Variants in PDLIM3 observed in about 807,000 individuals in gnomAD.
The protein encoded by PDLIM3 is PDZ and LIM domain 3.
In PDLIM3, 36 loss-of-function variants were observed where a neutral mutation model predicts 37.3. The observed-to-expected ratio is 0.97, with a 90% CI of 0.74 to 1.28. The LOEUF (loss-of-function observed/expected upper bound fraction) is 1.28, where lower values mean the gene tolerates loss of function less well. PDLIM3 is among the 50% of genes most tolerant of loss of function. PDLIM3 has a pLI of 0.00. For missense variants in PDLIM3, 454 were observed against 485.0 expected, an observed-to-expected ratio of 0.94 and a Z score of 0.60; for synonymous variants, 174 against 182.4, an observed-to-expected ratio of 0.95 and a Z score of 0.37.
At position 185,514,334 on chromosome 4, in the gene PDLIM3, C is replaced by T. The variant is rs777447396; in HGVS notation, c.334G>A (p.Gly112Arg). Reference sequence around the variant, plus strand: ...TTATGCTTGTGTTCAAAGTAGTTCCCGTCCTGTGAAAACAAAGCGTTAAAA... The same window carrying T: ...TTATGCTTGTGTTCAAAGTAGTTCCTGTCCTGTGAAAACAAAGCGTTAAAA... ...KINLESEPQD[G>R]NYFEHKHNIR... The change falls in exon 4 of 8, where the codon GGG becomes AGG. Residue 112 changes from glycine to arginine, a missense_variant. Coordinates refer to ENST00000284767, the MANE Select transcript of PDLIM3 (RefSeq NM_014476.6). The surrounding 1 kb of genome is among the most constrained non-coding windows in gnomAD (Gnocchi z 4.0). 2.5e-6 allele frequency: 4 copies of T among 1,614,156 alleles called. No homozygotes were observed. The highest frequency in any genetic ancestry group is 2.2e-5 in the East Asian group (1 of 44,890).
intron 1 of PDLIM3, among the ~76,000 whole-genome samples, chr4:185,528,177 T>G (rs1053448912): frequency 6.6e-6 from 1 of 152,272 alleles, no homozygotes; most frequent in Non-Finnish European, 1.5e-5. Context: ...AGTTAAGTTA[T>G]GTAATACTCA....
chr4:185,526,495 A>G (rs2095734436), intron 1 of PDLIM3, among the ~76,000 whole-genome samples: 1 of 152,244 alleles, frequency 6.6e-6, no homozygotes, highest in South Asian at 2.1e-4. Context: ...AGAATATGGG[A>G]AAAATATGGT....
rs772290548 is a variant in PDLIM3 at position 185,525,048 on chromosome 4, C to T, written c.217G>A (p.Ala73Thr). 11 of 1,614,052 alleles carry T rather than the reference C, an allele frequency of 6.8e-6. No homozygotes were observed. In the South Asian group the frequency reaches 1.1e-4, roughly 16 times the overall value. Residue 73 changes from alanine (A) to threonine (T), a missense_variant, in exon 2 of 8, where the codon GCT becomes ACT. By Grantham distance (58) the Ala-to-Thr change is moderately conservative (BLOSUM62 0). Transcript: ENST00000284767. Reference sequence around the variant, plus strand: ...TCAATTTTGAGACACAGCTGGTGAGCTGCTGCTTTAATCCTGTCCTGCGCA... The same window carrying T: ...TCAATTTTGAGACACAGCTGGTGAGTTGCTGCTTTAATCCTGTCCTGCGCA... ...ADAQDRIKAA[A>T]HQLCLKIDRG...
chr4:185,535,373 A>G lies in PDLIM3; in HGVS notation c.62T>C (p.Ile21Thr), dbSNP rs773605275. ...GATGACCAAAGGCTGGTTGAAGTCT[A>G]TGCCCCCTGAGAGCCTGAAGCCCCA... ...APWGFRLSGG[I>T]DFNQPLVITR... Residue 21 changes from isoleucine to threonine, a missense_variant, in exon 1 of 8, where the codon ATA (isoleucine) becomes ACA (threonine). Transcript: ENST00000284767. 2 of 1,608,618 alleles carry G rather than the reference A, an allele frequency of 1.2e-6. No individual in the cohort carries two copies. Among genetic ancestry groups the G allele is most frequent in the East Asian group, 2.2e-5 (1 of 44,456 alleles).
intron 4 of PDLIM3, among the ~76,000 whole-genome samples, chr4:185,509,331 TG>T (rs1157415725): frequency 6.6e-6 from 1 of 152,226 alleles, no homozygotes; most frequent in African/African-American, 2.4e-5. Context: ...AATAAGGTGG[TG>T]TTTCACTCTT....
At chr4:185,508,022 A>G (rs1413219958) in intron 5 of PDLIM3, among the ~76,000 whole-genome samples, 1 of 152,188 alleles carries the variant, frequency 6.6e-6, no homozygotes, top group Non-Finnish European at 1.5e-5. Context: ...ACCTGATTTC[A>G]TTTTATTGCT....
chr4:185,524,041 T>G (rs573635378), intron 2 of PDLIM3, among the ~76,000 whole-genome samples: 21 of 151,474 alleles, frequency 1.4e-4, no homozygotes, highest in Admixed American at 1.3e-3. Flanking sequence ...AGAGGGAGAC[T>G]CTGCAGGCAC....
chr4:185,507,768 C>T (rs1164627536), intron 5 of PDLIM3, among the ~76,000 whole-genome samples: 1 of 152,008 alleles, frequency 6.6e-6, no homozygotes, highest in East Asian at 1.9e-4. Flanking sequence ...AGGGTATTCA[C>T]CTAAAAACCT....
chr4:185,519,836 C>T (rs910280053), intron 3 of PDLIM3, among the ~76,000 whole-genome samples: 5 of 152,056 alleles, frequency 3.3e-5, no homozygotes, highest in Non-Finnish European at 4.4e-5. Context: ...GGTTGAGAAA[C>T]AAAAACTCAA....
chr4:185,506,776 A>AT (rs949152641), intron 5 of PDLIM3, 124 bp from the exon 6 acceptor site: 1 of 815,774 alleles, frequency 1.2e-6, no homozygotes, highest in Non-Finnish European at 2.0e-6. Flanking sequence ...GAGGTCTAGT[A>AT]TTTTCAAGTG....
chr4:185,500,669 T>C lies in PDLIM3; in HGVS notation c.*1625A>G, dbSNP rs533440141. The C allele has an allele frequency of 6.6e-6, 1 of 152,350 alleles. No homozygotes were observed. Among genetic ancestry groups the C allele is most frequent in the Non-Finnish European group, 1.5e-5 (1 of 68,042 alleles). 9.4% of individuals were successfully genotyped at this position (152,350 alleles called of 1,614,324 possible). ...ATTTTGGATACATTCATTTCTTTGA[T>C]CTCAAAAGTCTGTTTTATTTTTTTA... is the stretch of plus-strand genomic sequence containing the variant. On this transcript the variant is annotated 3_prime_UTR_variant, in exon 8 of 8. Coordinates refer to ENST00000284767, the MANE Select transcript of PDLIM3 (RefSeq NM_014476.6).
chr4:185,508,258 G>A (rs1345271780), intron 5 of PDLIM3, 41 bp downstream of exon 5: 1 of 1,598,422 alleles, frequency 6.3e-7, no homozygotes, highest in African/African-American at 1.3e-5. Context: ...TTGCCCACGT[G>A]TTTAGTTAAT....
Position 185,508,354 on chromosome 4 carries a change from T to C in PDLIM3, c.607A>G (p.Met203Val), listed in dbSNP as rs2095701211. 1 of 1,614,118 alleles carries C rather than the reference T, an allele frequency of 6.2e-7. No homozygotes were observed. Among genetic ancestry groups the C allele is most frequent in the South Asian group, 1.1e-5 (1 of 91,084 alleles). The change falls in exon 5 of 8, where the codon ATG becomes GTG. Residue 203 changes from methionine (M) to valine (V), a missense_variant. By Grantham distance (21) the Met-to-Val change is conservative (BLOSUM62 1). Coordinates refer to ENST00000284767, the MANE Select transcript of PDLIM3 (RefSeq NM_014476.6). ...PMQLYSDDNI[M>V]ETLQGQVSTA... Reference sequence around the variant, plus strand: ...GAAACCTGACCCTGGAGTGTTTCCATAATATTGTCATCTGAGTACAACTGC... The same window carrying C: ...GAAACCTGACCCTGGAGTGTTTCCACAATATTGTCATCTGAGTACAACTGC...
At position 185,535,414 on chromosome 4, in the gene PDLIM3, G is replaced by A; in HGVS notation, c.21C>T (p.Leu7=). The change falls in exon 1 of 8, where the codon CTC becomes CTT. Residue 7 remains leucine, a synonymous_variant. Transcript: ENST00000284767. ...TGAAGCCCCAGGGCGCAGGGCCCGG[G>A]AGGATCACCGTCTGGGGCATGCCGC... MPQTVI[L]PGPAPWGFRL... The A allele has an allele frequency of 1.9e-6, 3 of 1,602,924 alleles. No individual in the cohort carries two copies. The highest frequency in any genetic ancestry group is 1.7e-5 in the Admixed American group (1 of 59,020).
rs1212143323 is a variant in PDLIM3 at position 185,520,682 on chromosome 4, T to C, written c.330+2680A>G. The stretch of plus-strand genomic sequence containing the variant: ...TGGAAAATTACCCTTAAACTCCAAT[T>C]CTGGAGAGATGTTAGCAAAACGTGG... On this transcript the variant is annotated intron_variant, in intron 3 of 7. Transcript: ENST00000284767. Among the ~76,000 whole-genome samples, 25 of 65,882 alleles carry C rather than the reference T, an allele frequency of 3.8e-4. 2 individuals carry two copies. The highest frequency in any genetic ancestry group is 6.9e-4 in the African/African-American group (25 of 36,196). The allele number at this position is 65,882 out of a possible 152,430, so 43.2% of individuals were successfully genotyped here. A position where few individuals can be genotyped will look rare whatever the true frequency, so the allele number is the denominator to read the frequency against.
At chr4:185,527,545 G>T (rs940085738) in intron 1 of PDLIM3, among the ~76,000 whole-genome samples, 4 of 152,022 alleles carry the variant, frequency 2.6e-5, no homozygotes. Context: ...AGACAACTGG[G>T]GATTATTATA....
chr4:185,532,433 G>A (rs928658349), intron 1 of PDLIM3, among the ~76,000 whole-genome samples: 5 of 152,152 alleles, frequency 3.3e-5, no homozygotes, highest in Non-Finnish European at 7.4e-5. Flanking sequence ...GTAATCAACC[G>A]GATGAGATGG....
intron 1 of PDLIM3, 88 bp from the exon 2 acceptor site, chr4:185,525,259 AT>A: frequency 7.7e-7 from 1 of 1,306,572 alleles, no homozygotes; most frequent in Non-Finnish European, 1.1e-6. Context: ...GCCTGGTAAC[AT>A]TTTAAATGTT....
At chr4:185,532,236 A>G (rs1336979142) in intron 1 of PDLIM3, among the ~76,000 whole-genome samples, 7 of 152,362 alleles carry the variant, frequency 4.6e-5, no homozygotes, top group Non-Finnish European at 2.9e-5. Flanking sequence ...CTAGTCAATC[A>G]TTCATACCGT....
Sources: allele counts gnomAD v4.1 joint callset (sites outside exome capture counted in the v4.1 genomes callset), GRCh38; gene constraint gnomAD v4.1.1; non-coding constraint Gnocchi (gnomAD v3.1); transcripts MANE v1.5; gene names NCBI Gene and HGNC (gene_info 2026-07-23, HGNC 2026-07-21).